The following SLC9A9 variants were observed in gnomAD, a reference collection of about 807,000 sequenced individuals.
The protein encoded by SLC9A9 is sodium/hydrogen exchanger 9.
Under a neutral mutation model 77.8 loss-of-function variants are expected in SLC9A9, and 62 were observed. That is an observed-to-expected ratio of 0.80 (90% CI 0.65 to 0.98). The LOEUF (loss-of-function observed/expected upper bound fraction) is 0.98, where lower values mean the gene tolerates loss of function less well. Ranked by LOEUF, SLC9A9 falls within the 50% of genes least tolerant of loss-of-function variation. The pLI, the probability that SLC9A9 is intolerant of heterozygous loss-of-function variation, is 0.00. For missense variants in SLC9A9, 775 were observed against 774.9 expected, an observed-to-expected ratio of 1.00 and a Z score of 0.00; for synonymous variants, 320 against 283.5, an observed-to-expected ratio of 1.13 and a Z score of -1.29.
intron 14 of SLC9A9, among the ~76,000 whole-genome samples, chr3:143,296,627 G>A (rs555932172): frequency 1.2e-3 from 185 of 152,218 alleles, no homozygotes; most frequent in African/African-American, 2.9e-3. Context: ...CATAGCATCC[G>A]CACCATTTTA....
At chr3:143,400,347 C>T (rs1177436663) in intron 12 of SLC9A9, among the ~76,000 whole-genome samples, 1 of 152,094 alleles carries the variant, frequency 6.6e-6, no homozygotes, top group South Asian at 2.1e-4. Context: ...TGCTCTACTA[C>T]TCAGCCGTAA....
chr3:143,326,343 T>TTGA (rs1253751345), intron 14 of SLC9A9, among the ~76,000 whole-genome samples: 8 of 152,230 alleles, frequency 5.3e-5, no homozygotes, highest in Non-Finnish European at 1.2e-4. Flanking sequence ...TTAAAACTCT[T>TTGA]TGATGGACAC....
chr3:143,269,261 T>C (rs1387029315), intron 14 of SLC9A9, among the ~76,000 whole-genome samples: 1 of 152,226 alleles, frequency 6.6e-6, no homozygotes, highest in African/African-American at 2.4e-5. Context: ...ACTCAATGTC[T>C]CATTTGCTTA....
At chr3:143,475,741 G>A (rs1576522673) in intron 11 of SLC9A9, among the ~76,000 whole-genome samples, 1 of 150,304 alleles carries the variant, frequency 6.7e-6, no homozygotes, top group Non-Finnish European at 1.5e-5. Flanking sequence ...GCAGTAAGCT[G>A]AGGTTGCGCC....
intron 4 of SLC9A9, among the ~76,000 whole-genome samples, chr3:143,719,005 C>T (rs1350274776): frequency 6.6e-6 from 1 of 152,120 alleles, no homozygotes; most frequent in African/African-American, 2.4e-5. Flanking sequence ...GCTTACTTCA[C>T]AGTAGGTAGC....
chr3:143,592,742 C>A (rs2037672961), intron 6 of SLC9A9, among the ~76,000 whole-genome samples: 1 of 152,144 alleles, frequency 6.6e-6, no homozygotes, highest in Non-Finnish European at 1.5e-5. Flanking sequence ...TGATTCAATA[C>A]ATCAAAGGTC....
At chr3:143,617,412 T>C (rs914643397) in intron 6 of SLC9A9, among the ~76,000 whole-genome samples, 1 of 152,204 alleles carries the variant, frequency 6.6e-6, no homozygotes, top group Non-Finnish European at 1.5e-5. Flanking sequence ...CACGAAAACA[T>C]TGACTGAACC....
chr3:143,307,845 GC>G (rs1339422322), intron 14 of SLC9A9, among the ~76,000 whole-genome samples: 1 of 152,128 alleles, frequency 6.6e-6, no homozygotes, highest in Non-Finnish European at 1.5e-5. Flanking sequence ...GAAGCCTCCA[GC>G]CCCATGCCTG....
At chr3:143,690,329 T>C (rs1447453828) in intron 5 of SLC9A9, among the ~76,000 whole-genome samples, 1 of 152,132 alleles carries the variant, frequency 6.6e-6, no homozygotes, top group Admixed American at 6.6e-5. Flanking sequence ...GAAAATATTA[T>C]GAATTTGTGA....
In SLC9A9 at chr3:143,848,221, G is replaced by C. The variant is rs916148593; in HGVS notation, c.102C>G (p.Thr34=). The change falls in exon 1 of 16, where the codon ACC becomes ACG. Residue 34 remains threonine, a synonymous_variant. Coordinates refer to ENST00000316549, the MANE Select transcript of SLC9A9 (RefSeq NM_173653.4). Reference sequence around the variant, plus strand: ...TTTTAAATAACCAGATTGTCAAAATGGTAAGGATGAGCAAAAAATTGAAGA... The same window carrying C: ...TTTTAAATAACCAGATTGTCAAAATCGTAAGGATGAGCAAAAAATTGAAGA... ...LLVFNFLLIL[T]ILTIWLFKNH... The C allele has an allele frequency of 6.2e-7, 1 of 1,613,966 alleles. No homozygotes were observed. Among genetic ancestry groups the C allele is most frequent in the Non-Finnish European group, 8.5e-7 (1 of 1,179,932 alleles).
chr3:143,762,822 T>C (rs1325641803), intron 4 of SLC9A9, among the ~76,000 whole-genome samples: 1 of 152,104 alleles, frequency 6.6e-6, no homozygotes, highest in Admixed American at 6.6e-5. Flanking sequence ...GTAAATCCCT[T>C]TACATCCTAC....
At chr3:143,466,056 T>C (rs575101756) in intron 12 of SLC9A9, among the ~76,000 whole-genome samples, 38 of 152,358 alleles carry the variant, frequency 2.5e-4, no homozygotes, top group Non-Finnish European at 5.0e-4. Context: ...CATTTAACTT[T>C]TCATGAATTA....
chr3:143,289,059 T>A (rs963704977), intron 14 of SLC9A9, among the ~76,000 whole-genome samples: 2 of 152,196 alleles, frequency 1.3e-5, no homozygotes, highest in Non-Finnish European at 2.9e-5. Context: ...TGTCAGACTT[T>A]AAACCCATTT....
At chr3:143,655,629 A>G (rs1206975295) in intron 5 of SLC9A9, 1 of 985,104 alleles carries the variant, frequency 1.0e-6, no homozygotes. Flanking sequence ...AATTGATAAT[A>G]AAAGATACAA....
rs2006650633 is a variant in SLC9A9 at position 143,749,780 on chromosome 3, C to T, written c.533+45221G>A. ...ATTGGTCCATGAGGTACAGTTATCC[C>T]GGTTTCAAGAGTATATTCCTATATG... On this transcript the variant is annotated intron_variant, in intron 4 of 15. Coordinates refer to ENST00000316549, the MANE Select transcript of SLC9A9 (RefSeq NM_173653.4). Among the ~76,000 whole-genome samples, 3 of 152,124 alleles carry T rather than the reference C, an allele frequency of 2.0e-5. No homozygotes were observed. In the South Asian group the frequency reaches 6.2e-4, roughly 32 times the overall value.
chr3:143,806,144 G>A (rs1286599401), intron 2 of SLC9A9, among the ~76,000 whole-genome samples: 1 of 141,096 alleles, frequency 7.1e-6, no homozygotes, highest in African/African-American at 2.7e-5. Flanking sequence ...ACCACTAAGA[G>A]CTTCTCACCA....
chr3:143,500,359 A>G (rs2035904833), intron 9 of SLC9A9, among the ~76,000 whole-genome samples: 1 of 152,054 alleles, frequency 6.6e-6, no homozygotes, highest in Non-Finnish European at 1.5e-5. Flanking sequence ...TTCTTGATGA[A>G]TCTTGTAAGG....
At chr3:143,825,489 A>G (rs1212774749) in intron 2 of SLC9A9, among the ~76,000 whole-genome samples, 1 of 152,190 alleles carries the variant, frequency 6.6e-6, no homozygotes, top group Admixed American at 6.5e-5. Context: ...AAACAAAATT[A>G]CTTTTAAAAG....
intron 6 of SLC9A9, among the ~76,000 whole-genome samples, chr3:143,583,289 T>C (rs1022903642): frequency 6.6e-6 from 1 of 152,234 alleles, no homozygotes; most frequent in Non-Finnish European, 1.5e-5. Flanking sequence ...ATTGGACCTA[T>C]ACTCAAAAAT....
Sources: gnomAD v4.1 joint callset for allele counts (sites outside exome capture counted in the v4.1 genomes callset) on GRCh38, gnomAD v4.1.1 for gene constraint, MANE v1.5 for transcripts, NCBI Gene and HGNC (gene_info 2026-07-23, HGNC 2026-07-21) for gene names.